PIK3C3: variants seen among roughly 807,000 people sequenced by gnomAD.
PIK3C3 encodes the protein phosphatidylinositol 3-kinase catalytic subunit type 3.
A neutral mutation model predicts 126.1 loss-of-function variants in PIK3C3; 95 were observed. That is an observed-to-expected ratio of 0.75 (90% CI 0.64 to 0.89). The LOEUF (loss-of-function observed/expected upper bound fraction) is 0.89, where lower values mean the gene tolerates loss of function less well. PIK3C3 is among the 40% of genes least tolerant of loss of function. The pLI is 0.00. For missense variants in PIK3C3, 829 were observed against 1,063.2 expected (o/e 0.78, Z 3.06); for synonymous variants, 374 against 360.0 (o/e 1.04, Z -0.44).
intron 3 of PIK3C3, among the ~76,000 whole-genome samples, chr18:41,968,958 A>G (rs1277761933): frequency 1.3e-5 from 2 of 151,600 alleles, no homozygotes; most frequent in African/African-American, 4.8e-5. Context: ...CTACAGGCAT[A>G]TGCCACTGTA....
Position 42,049,550 on chromosome 18 carries a change from C to G in PIK3C3, c.2208C>G (p.Thr736=), listed in dbSNP as rs370770720. ...VKSCAGYCVI[T]YILGVGDRHL... ...CTGCAGCTGGATATTGCGTGATCAC[C>G]TATATACTTGGAGTTGGAGACAGGC... Residue 736 remains threonine (T), a synonymous_variant, in exon 21 of 25, where the codon ACC becomes ACG. Coordinates refer to ENST00000262039, the MANE Select transcript of PIK3C3 (RefSeq NM_002647.4). 8 of 1,613,436 alleles carry G rather than the reference C, an allele frequency of 5.0e-6. No individual in the cohort carries two copies. The highest frequency in any genetic ancestry group is 6.8e-6 in the Non-Finnish European group (8 of 1,179,602).
In PIK3C3 at chr18:41,970,448, C is replaced by T; in HGVS notation, c.523C>T (p.Leu175Phe). The T allele has an allele frequency of 6.2e-7, 1 of 1,613,862 alleles. No individual in the cohort carries two copies. Among genetic ancestry groups the T allele is most frequent in the Non-Finnish European group, 8.5e-7 (1 of 1,179,948 alleles). The change falls in exon 4 of 25, where the codon CTT (leucine) becomes TTT (phenylalanine). Residue 175 changes from leucine (L) to phenylalanine (F), a missense_variant. Physicochemically the swap from Leu to Phe is conservative, Grantham distance 22 (BLOSUM62 0). This residue lies in a region of PIK3C3 where 313 missense variants were observed against 340.7 expected (regional missense o/e 0.92). Coordinates refer to ENST00000262039, the MANE Select transcript of PIK3C3 (RefSeq NM_002647.4). ...TCTCTCAGAAGATCAGATGAGCCGT[C>T]TTGCCAAGGTAAAAAAAGTCATTTG... ...STLSEDQMSR[L>F]AKLTKAHRQG...
chr18:41,983,297 T>C (rs905257099), intron 4 of PIK3C3, among the ~76,000 whole-genome samples: 3 of 152,126 alleles, frequency 2.0e-5, no homozygotes, highest in Admixed American at 2.0e-4. Flanking sequence ...GCCAGCAAGT[T>C]ACATATATTT....
At position 42,029,388 on chromosome 18, in the gene PIK3C3, T is replaced by C. The variant is rs760996142; in HGVS notation, c.1654T>C (p.Leu552=). 2.1e-5 allele frequency: 34 copies of C among 1,613,770 alleles called. No individual in the cohort carries two copies. Among genetic ancestry groups the C allele is most frequent in the Non-Finnish European group, 2.7e-5 (32 of 1,179,814 alleles). The change falls in exon 15 of 25, where the codon TTG becomes CTG. Residue 552 remains leucine, a synonymous_variant. Coordinates refer to ENST00000262039, the MANE Select transcript of PIK3C3 (RefSeq NM_002647.4). The stretch of plus-strand genomic sequence containing the variant: ...TGCACAACAGACATTTGTAGATCGG[T>C]TGGTGCATCTAATGAAGGCAGTACA... ...LAAQQTFVDR[L]VHLMKAVQRE... is the part of the protein sequence containing the mutation.
intron 14 of PIK3C3, among the ~76,000 whole-genome samples, chr18:42,028,465 A>C (rs922986100): frequency 6.6e-6 from 1 of 152,232 alleles, no homozygotes; most frequent in Non-Finnish European, 1.5e-5. Context: ...ACCACACATT[A>C]ATCTGTGGCT....
chr18:42,027,300 T>C (rs910133328), intron 13 of PIK3C3, 143 bp from the exon 14 acceptor site: 1 of 403,810 alleles, frequency 2.5e-6, no homozygotes. Context: ...CTTTTAAAAG[T>C]GATGATAAAA....
At chr18:42,016,570 T>G (rs148990239) in intron 12 of PIK3C3, among the ~76,000 whole-genome samples, 1,551 of 152,270 alleles carry the variant, frequency 0.01, 15 homozygotes, top group Non-Finnish European at 0.016. Flanking sequence ...TACAAGTTAC[T>G]TGTTACTAAA....
chr18:42,064,969 C>T (rs1985475345), intron 23 of PIK3C3, 139 bp downstream of exon 23: 1 of 551,544 alleles, frequency 1.8e-6, no homozygotes, highest in East Asian at 2.8e-5. Flanking sequence ...TAGGTTCTCT[C>T]ATCTGGAGAG....
At chr18:41,957,469 T>C (rs1979839580) in intron 1 of PIK3C3, 101 bp from the exon 2 acceptor site, 2 of 1,138,118 alleles carry the variant, frequency 1.8e-6, no homozygotes, top group South Asian at 1.6e-5. Context: ...TATGCATATA[T>C]GTACATGCTT....
At chr18:41,984,366 C>T (rs1981360829) in intron 4 of PIK3C3, among the ~76,000 whole-genome samples, 2 of 151,920 alleles carry the variant, frequency 1.3e-5, no homozygotes, top group South Asian at 4.2e-4. Flanking sequence ...GTTATCAGCA[C>T]CCATAAGAGA....
chr18:42,075,236 T>C (rs937264791), intron 24 of PIK3C3, among the ~76,000 whole-genome samples: 1 of 152,154 alleles, frequency 6.6e-6, no homozygotes, highest in Non-Finnish European at 1.5e-5. Context: ...GTGTAAAATA[T>C]TTCAGTGAAC....
At chr18:42,031,388 A>G (rs1983818323) in intron 15 of PIK3C3, among the ~76,000 whole-genome samples, 1 of 152,156 alleles carries the variant, frequency 6.6e-6, no homozygotes, top group Non-Finnish European at 1.5e-5. Flanking sequence ...AGGTCAGTCT[A>G]CATATTTGAA....
intron 10 of PIK3C3, among the ~76,000 whole-genome samples, chr18:42,006,594 G>C (rs978625583): frequency 2.2e-4 from 33 of 151,884 alleles, no homozygotes; most frequent in African/African-American, 7.5e-4. Context: ...GATTGAAAGG[G>C]GCTTGTTAGG....
intron 4 of PIK3C3, among the ~76,000 whole-genome samples, chr18:41,974,728 T>C (rs1442338901): frequency 1.3e-5 from 2 of 152,202 alleles, no homozygotes; most frequent in African/African-American, 4.8e-5. Flanking sequence ...TGGGCCTTAC[T>C]TGAGCAAATT....
At chr18:42,076,997 GTA>G (rs1351832511) in intron 24 of PIK3C3, among the ~76,000 whole-genome samples, 1 of 152,100 alleles carries the variant, frequency 6.6e-6, no homozygotes, top group Non-Finnish European at 1.5e-5. Context: ...ACATTTCAAA[GTA>G]TTTGGGAAAA....
chr18:42,030,463 G>A (rs1213960024), intron 15 of PIK3C3, among the ~76,000 whole-genome samples: 1 of 152,088 alleles, frequency 6.6e-6, no homozygotes, highest in African/African-American at 2.4e-5. Flanking sequence ...ACATTTTAGT[G>A]TTCCTTTGAC....
intron 2 of PIK3C3, among the ~76,000 whole-genome samples, chr18:41,961,316 T>C (rs896828155): frequency 6.6e-6 from 1 of 152,222 alleles, no homozygotes; most frequent in African/African-American, 2.4e-5. Context: ...TTGGCAAAAG[T>C]TGGCACTGCT....
intron 10 of PIK3C3, 125 bp from the exon 11 acceptor site, chr18:42,013,317 A>G: frequency 1.6e-6 from 1 of 617,250 alleles, no homozygotes; most frequent in Non-Finnish European, 2.8e-6. Flanking sequence ...TGACGTGCCA[A>G]AAGTAATACA....
intron 20 of PIK3C3, among the ~76,000 whole-genome samples, chr18:42,044,624 C>T (rs1385703418): frequency 6.6e-6 from 1 of 152,036 alleles, no homozygotes; most frequent in African/African-American, 2.4e-5. Flanking sequence ...TGGCATGTTT[C>T]CCAGGCTGGT....
Sources: gnomAD v4.1 joint callset for allele counts (sites outside exome capture counted in the v4.1 genomes callset) on GRCh38, gnomAD v4.1.1 for gene constraint, gnomAD v4.1.1 regional missense constraint, MANE v1.5 for transcripts, NCBI Gene and HGNC (gene_info 2026-07-23, HGNC 2026-07-21) for gene names.